Variants in HIPK2 observed in about 807,000 individuals in gnomAD.
The protein encoded by HIPK2 is homeodomain interacting protein kinase 2, also known as homeodomain-interacting protein kinase 2.
HIPK2 carries 27 observed loss-of-function variants against 113.7 expected under a neutral mutation model. That is an observed-to-expected ratio of 0.24 (90% CI 0.17 to 0.33). The LOEUF (loss-of-function observed/expected upper bound fraction) is 0.33, where lower values mean the gene tolerates loss of function less well. Ranked by LOEUF, HIPK2 falls within the 10% of genes least tolerant of loss-of-function variation. The pLI is 1.00. For synonymous variants in HIPK2, 631 were observed against 642.2 expected (o/e 0.98, Z 0.26); for missense variants, 1,257 against 1,588.0 (o/e 0.79, Z 3.54).
At chr7:139,744,069 G>A (rs1796150683) in intron 1 of HIPK2, among the ~76,000 whole-genome samples, 1 of 152,072 alleles carries the variant, frequency 6.6e-6, no homozygotes, top group African/African-American at 2.4e-5. Context: ...AACACAATGG[G>A]ATACCAAGAA....
chr7:139,662,514 T>A (rs1801898850), intron 2 of HIPK2, among the ~76,000 whole-genome samples: 1 of 152,066 alleles, frequency 6.6e-6, no homozygotes, highest in East Asian at 1.9e-4. Context: ...TCAATCACAT[T>A]CAGGTTGAGT....
chr7:139,719,089 G>A (rs1057417801), intron 1 of HIPK2, among the ~76,000 whole-genome samples: 9 of 151,922 alleles, frequency 5.9e-5, no homozygotes, highest in East Asian at 5.8e-4. Context: ...TCCCCATCCC[G>A]TGTCTGATTG....
intron 2 of HIPK2, 36 bp downstream of exon 2, chr7:139,715,896 A>G (rs1795219031): frequency 6.3e-7 from 1 of 1,591,950 alleles, no homozygotes; most frequent in Non-Finnish European, 8.6e-7. Flanking sequence ...GCCACTGGGC[A>G]TTCAGCAGCT....
rs1240753612 is a variant in HIPK2 at position 139,670,747 on chromosome 7, CTTTCTTTCTTTCTTTTTTTTT to C, written c.1104-39043_1104-39023del. Among the ~76,000 whole-genome samples, 19 of 74,788 alleles carry C rather than the reference CTTTCTTTCTTTCTTTTTTTTT, an allele frequency of 2.5e-4. No homozygotes were observed. In the South Asian group the frequency reaches 4.8e-3, roughly 19 times the overall value. 49.1% of individuals were successfully genotyped at this position (74,788 alleles called of 152,430 possible). On this transcript the variant is annotated intron_variant, in intron 2 of 14. Coordinates refer to ENST00000406875, the MANE Select transcript of HIPK2 (RefSeq NM_022740.5). ...TTCTTTTTCTTTTCTTTCTTTCTTT[CTTTCTTTCTTTCTTTTTTTTT>C]TTTTTTTTTTTTTGAGGCAGAGTCT...
chr7:139,676,840 A>C (rs1473567608), intron 2 of HIPK2, among the ~76,000 whole-genome samples: 1 of 145,142 alleles, frequency 6.9e-6, no homozygotes, highest in African/African-American at 2.5e-5. Context: ...AAGTATTAGA[A>C]CCATAGTATT....
In HIPK2 at chr7:139,596,899, C is replaced by A. The variant is rs377694509; in HGVS notation, c.2535G>T (p.Val845=). The change falls in exon 12 of 15, where the codon GTG becomes GTT. Residue 845 remains valine, a synonymous_variant. Coordinates refer to ENST00000406875, the MANE Select transcript of HIPK2 (RefSeq NM_022740.5). The part of the protein sequence containing the change: ...KENTPPRCAM[V]HSSPACSTSV... ...AGGTGCTGCAGGCCGGGCTACTGTG[C>A]ACCATGGCACAGCGGGGAGGTGTGT... The A allele has an allele frequency of 9.9e-6, 16 of 1,613,642 alleles. No homozygotes were observed. The highest frequency in any genetic ancestry group is 1.7e-5 in the Admixed American group (1 of 60,006).
At chr7:139,584,720 G>A (rs1410022835) in intron 12 of HIPK2, among the ~76,000 whole-genome samples, 2 of 150,510 alleles carry the variant, frequency 1.3e-5, no homozygotes, top group South Asian at 2.1e-4. Flanking sequence ...AGGCCACTAC[G>A]ACCTCTGCAG....
chr7:139,597,323 G>C (rs916190865), intron 11 of HIPK2, among the ~76,000 whole-genome samples: 1 of 152,204 alleles, frequency 6.6e-6, no homozygotes, highest in African/African-American at 2.4e-5. Context: ...GATTCCAGCT[G>C]TGTTTGCCCC....
chr7:139,655,098 A>C (rs73156874), intron 2 of HIPK2, among the ~76,000 whole-genome samples: 2 of 152,150 alleles, frequency 1.3e-5, no homozygotes, highest in African/African-American at 4.8e-5. Flanking sequence ...TTGGATAAGA[A>C]AGTGTCCCTA....
intron 7 of HIPK2, among the ~76,000 whole-genome samples, chr7:139,616,092 G>A (rs1263223795): frequency 6.6e-6 from 1 of 151,964 alleles, no homozygotes; most frequent in Admixed American, 6.6e-5. Flanking sequence ...GCCCCTGTGG[G>A]TGTCCCTGCT....
At chr7:139,757,863 G>A (rs1003556405) in intron 1 of HIPK2, among the ~76,000 whole-genome samples, 1 of 152,114 alleles carries the variant, frequency 6.6e-6, no homozygotes, top group African/African-American at 2.4e-5. Context: ...TCTCAATAAA[G>A]CTGTCAAAAA....
intron 7 of HIPK2, among the ~76,000 whole-genome samples, chr7:139,615,999 G>A (rs1012136656): frequency 6.6e-6 from 1 of 151,960 alleles, no homozygotes; most frequent in African/African-American, 2.4e-5. Context: ...TCTCCATATC[G>A]CGATCTCTTC....
chr7:139,701,841 G>A (rs1794718017), intron 2 of HIPK2, among the ~76,000 whole-genome samples: 2 of 152,188 alleles, frequency 1.3e-5, no homozygotes, highest in Non-Finnish European at 2.9e-5. Context: ...CTGGAGGCGG[G>A]GGAAGGCAGG....
chr7:139,701,980 C>T lies in HIPK2; in HGVS notation c.1103+13952G>A, dbSNP rs991941975. Among the ~76,000 whole-genome samples the T allele has an allele frequency of 2.3e-3, 349 of 152,214 alleles. 1 individual carries two copies. Among genetic ancestry groups the T allele is most frequent in the African/African-American group, 7.7e-3 (321 of 41,522 alleles). ...GGGGCTACCCAGTAGGACTTCGAATCCCAGAGCTTCTAATCCCAGGTTAGG... is the reference window on the plus strand; with the variant it reads ...GGGGCTACCCAGTAGGACTTCGAATTCCAGAGCTTCTAATCCCAGGTTAGG... On this transcript the variant is annotated intron_variant, in intron 2 of 14. Coordinates refer to ENST00000406875, the MANE Select transcript of HIPK2 (RefSeq NM_022740.5).
chr7:139,668,545 T>C lies in HIPK2; in HGVS notation c.1104-36820A>G, dbSNP rs367760395. Reference sequence around the variant, plus strand: ...GAGATCGCGCCACTGCACTCCAGCCTGGGTGACAGAGCAAGGCTCTGTCTC... The same window carrying C: ...GAGATCGCGCCACTGCACTCCAGCCCGGGTGACAGAGCAAGGCTCTGTCTC... On this transcript the variant is annotated intron_variant, in intron 2 of 14. Transcript: ENST00000406875. Among the ~76,000 whole-genome samples the C allele has an allele frequency of 1.9e-4, 28 of 145,942 alleles. No individual in the cohort carries two copies. In the South Asian group the frequency reaches 5.9e-3, roughly 31 times the overall value.
At chr7:139,696,263 G>C (rs1425724589) in intron 2 of HIPK2, among the ~76,000 whole-genome samples, 1 of 152,090 alleles carries the variant, frequency 6.6e-6, no homozygotes, top group Non-Finnish European at 1.5e-5. Context: ...TGGCAAACCA[G>C]GAATGGGAAG....
At chr7:139,734,866 T>C (rs1327466220) in intron 1 of HIPK2, among the ~76,000 whole-genome samples, 2 of 152,200 alleles carry the variant, frequency 1.3e-5, no homozygotes, top group African/African-American at 4.8e-5. Context: ...TACTAATTTA[T>C]AAATAGAGAT....
chr7:139,729,511 C>T (rs563254950), intron 1 of HIPK2, among the ~76,000 whole-genome samples: 2 of 152,310 alleles, frequency 1.3e-5, no homozygotes, highest in African/African-American at 4.8e-5. Flanking sequence ...CGGCCAAGTT[C>T]AGGCCACCCC....
At chr7:139,618,177 T>A (rs986305947) in intron 7 of HIPK2, among the ~76,000 whole-genome samples, 1 of 152,194 alleles carries the variant, frequency 6.6e-6, no homozygotes, top group Non-Finnish European at 1.5e-5. Context: ...AAAACCTATC[T>A]CACAACGTTG....
Sources: allele counts gnomAD v4.1 joint callset (sites outside exome capture counted in the v4.1 genomes callset), GRCh38; gene constraint gnomAD v4.1.1; transcripts MANE v1.5; gene names NCBI Gene and HGNC (gene_info 2026-07-23, HGNC 2026-07-21).